Variants in SCIN observed in about 807,000 individuals in gnomAD.
The protein encoded by SCIN is scinderin.
In SCIN, 91 loss-of-function variants were observed where a neutral mutation model predicts 91.8. That is an observed-to-expected ratio of 0.99 (90% CI 0.84 to 1.18). The LOEUF is 1.18. Among genes scored for constraint, SCIN ranks in the 50% most tolerant of loss-of-function variants. The pLI is 0.00. For synonymous variants in SCIN, 367 were observed against 312.6 expected (o/e 1.17, Z -1.84); for missense variants, 1,087 against 863.9 (o/e 1.26, Z -3.24).
chr7:12,597,971 T>C (rs1025805021), intron 3 of SCIN, among the ~76,000 whole-genome samples: 1 of 152,228 alleles, frequency 6.6e-6, no homozygotes, highest in African/African-American at 2.4e-5. Context: ...CAGGGCTTTT[T>C]TAAACATTGC....
intron 13 of SCIN, among the ~76,000 whole-genome samples, chr7:12,647,692 A>G (rs2115301736): frequency 6.6e-6 from 1 of 152,368 alleles, no homozygotes; most frequent in South Asian, 2.1e-4. Context: ...TATGTCCTCT[A>G]AAAAGATAAT....
intron 4 of SCIN, among the ~76,000 whole-genome samples, chr7:12,616,884 C>A (rs954517790): frequency 6.6e-6 from 1 of 152,164 alleles, no homozygotes; most frequent in East Asian, 1.9e-4. Flanking sequence ...TTGTCACCTA[C>A]TCTTCTGCTG....
At chr7:12,646,747 A>G (rs2115300883) in intron 13 of SCIN, among the ~76,000 whole-genome samples, 1 of 152,346 alleles carries the variant, frequency 6.6e-6, no homozygotes, top group South Asian at 2.1e-4. Context: ...GAATAAATGC[A>G]AACTTCATTT....
At chr7:12,633,792 C>G (rs113363570) in intron 9 of SCIN, among the ~76,000 whole-genome samples, 2 of 152,170 alleles carry the variant, frequency 1.3e-5, no homozygotes, top group Non-Finnish European at 2.9e-5. Context: ...GGTGGCCCAT[C>G]ATCATGCAGC....
At chr7:12,589,740 TG>T (rs1782678090) in intron 3 of SCIN, among the ~76,000 whole-genome samples, 1 of 152,144 alleles carries the variant, frequency 6.6e-6, no homozygotes, top group African/African-American at 2.4e-5. Flanking sequence ...CGTGGGGTTT[TG>T]GGAGGGCCTG....
intron 1 of SCIN, chr7:12,571,524 T>C (rs1280431568): frequency 2.3e-6 from 1 of 436,428 alleles, no homozygotes; most frequent in South Asian, 1.7e-5. Context: ...GGAATTATTG[T>C]TCTGGGCTTC....
At chr7:12,626,927 T>C in intron 8 of SCIN, 128 bp downstream of exon 8, 1 of 794,262 alleles carries the variant, frequency 1.3e-6, no homozygotes, top group Non-Finnish European at 2.0e-6. Flanking sequence ...CCACCTCTAC[T>C]CAAAATACAA....
chr7:12,585,864 A>G (rs570063009), intron 3 of SCIN, among the ~76,000 whole-genome samples: 2 of 152,246 alleles, frequency 1.3e-5, no homozygotes, highest in African/African-American at 4.8e-5. Context: ...CTCGCCTCTT[A>G]TTTGGCAACT....
chr7:12,630,490 C>T (rs2115279921), intron 9 of SCIN, among the ~76,000 whole-genome samples: 1 of 152,344 alleles, frequency 6.6e-6, no homozygotes, highest in East Asian at 1.9e-4. Flanking sequence ...AAAATCTCAG[C>T]TGGGGGGAAT....
chr7:12,610,517 C>A (rs562024779), intron 4 of SCIN, among the ~76,000 whole-genome samples: 1 of 152,166 alleles, frequency 6.6e-6, no homozygotes, highest in Non-Finnish European at 1.5e-5. Flanking sequence ...ATTGCCCACT[C>A]GTATTTGGAT....
At chr7:12,589,805 C>T (rs1248965709) in intron 3 of SCIN, among the ~76,000 whole-genome samples, 1 of 152,042 alleles carries the variant, frequency 6.6e-6, no homozygotes, top group African/African-American at 2.4e-5. Flanking sequence ...GGGAGGTATT[C>T]TCCTAGCTGA....
rs1215660464 is a variant in SCIN at position 12,604,668 on chromosome 7, T to C, written c.666+5T>C. 14 of 1,551,382 alleles carry C rather than the reference T, an allele frequency of 9.0e-6. No homozygotes were observed. Among genetic ancestry groups the C allele is most frequent in the Non-Finnish European group, 1.2e-5 (14 of 1,146,794 alleles). ...GAACCCTCAGAACTTATAAAGGTAT[T>C]GTGACTCCTGTTGTTTGTTAAAGGG... On this transcript the variant is annotated splice_donor_5th_base_variant and intron_variant, in intron 4 of 15. Coordinates refer to ENST00000297029, the MANE Select transcript of SCIN (RefSeq NM_001112706.3).
At position 12,591,931 on chromosome 7, in the gene SCIN, C is replaced by T. The variant is rs1040773062; in HGVS notation, c.516+10710C>T. Among the ~76,000 whole-genome samples the T allele has an allele frequency of 3.9e-5, 6 of 152,166 alleles. No individual in the cohort carries two copies. The Middle Eastern group carries it at 0.01, about 259-fold the overall frequency. On this transcript the variant is annotated intron_variant, in intron 3 of 15. Transcript: ENST00000297029. ...CGAGAAAGTTTAAGAGAGCAGTGGC[C>T]GTGTGAGTTTGAGAGTCTTTTAGAG...
chr7:12,588,824 C>T (rs991155368), intron 3 of SCIN: 1 of 2,804 alleles, frequency 3.6e-4, no homozygotes, highest in Non-Finnish European at 7.5e-4. Flanking sequence ...GGGGGGGGTG[C>T]GGGGGCGGGT....
At chr7:12,608,767 G>A (rs849784) in intron 4 of SCIN, among the ~76,000 whole-genome samples, 14,773 of 152,174 alleles carry the variant, frequency 0.097, 763 homozygotes, top group Middle Eastern at 0.16. Flanking sequence ...GTGAGCCTAC[G>A]CACCCGGCCT....
intron 8 of SCIN, among the ~76,000 whole-genome samples, chr7:12,627,822 C>G (rs1224590566): frequency 6.6e-6 from 1 of 152,160 alleles, no homozygotes; most frequent in Non-Finnish European, 1.5e-5. Context: ...TGGCTGCAGC[C>G]TTCTCCTGTG....
At chr7:12,642,258 GA>G (rs1235107172) in intron 11 of SCIN, among the ~76,000 whole-genome samples, 2 of 151,862 alleles carry the variant, frequency 1.3e-5, no homozygotes, top group African/African-American at 4.8e-5. Flanking sequence ...CTTTCCTAAG[GA>G]ATCTCCTGGA....
intron 13 of SCIN, among the ~76,000 whole-genome samples, chr7:12,647,957 T>A (rs954682421): frequency 2.0e-5 from 3 of 152,136 alleles, no homozygotes; most frequent in African/African-American, 7.2e-5. Flanking sequence ...AACGCCCCAG[T>A]CAGCTCCATA....
At chr7:12,643,504 G>T (rs1783895821) in intron 11 of SCIN, among the ~76,000 whole-genome samples, 2 of 152,138 alleles carry the variant, frequency 1.3e-5, no homozygotes, top group Admixed American at 1.3e-4. Flanking sequence ...TGCTGGGAGA[G>T]GACTTTAACT....
Sources: allele counts gnomAD v4.1 joint callset (sites outside exome capture counted in the v4.1 genomes callset), GRCh38; gene constraint gnomAD v4.1.1; transcripts MANE v1.5; gene names NCBI Gene and HGNC (gene_info 2026-07-23, HGNC 2026-07-21).